Variants in SNTB2 observed in about 807,000 individuals in gnomAD.
The protein encoded by SNTB2 is beta-2-syntrophin.
A neutral mutation model predicts 46.2 loss-of-function variants in SNTB2; 34 were observed. The ratio of observed to expected loss-of-function variants is 0.74; its 90% CI spans 0.56 to 0.98. The LOEUF (loss-of-function observed/expected upper bound fraction) is 0.98, where lower values mean the gene tolerates loss of function less well. Ranked by LOEUF, SNTB2 falls within the 50% of genes least tolerant of loss-of-function variation. SNTB2 has a pLI of 0.00. For missense variants in SNTB2, 603 were observed against 731.4 expected (o/e 0.82, Z 2.02); for synonymous variants, 290 against 312.6 (o/e 0.93, Z 0.76).
At position 69,304,278 on chromosome 16, in the gene SNTB2, G is replaced by GT. The variant is rs2143219052; in HGVS notation, c.*3356dup. 1 of 152,728 alleles carries GT rather than the reference G, an allele frequency of 6.5e-6. No homozygotes were observed. The highest frequency in any genetic ancestry group is 2.4e-5 in the African/African-American group (1 of 41,568). 9.5% of individuals were successfully genotyped at this position (152,728 alleles called of 1,614,324 possible). A position where few individuals can be genotyped will look rare whatever the true frequency, so the allele number is the denominator to read the frequency against. ...AAGTTCCTGCAGTATTTATTAGATAGTTGTAACTGTAAACTCACCTCCCTA... is the reference window on the plus strand; with the variant it reads ...AAGTTCCTGCAGTATTTATTAGATAGTTTGTAACTGTAAACTCACCTCCCTA... On this transcript the variant is annotated 3_prime_UTR_variant, in exon 7 of 7. Transcript: ENST00000336278.
At chr16:69,217,112 C>G (rs750184180) in intron 1 of SNTB2, among the ~76,000 whole-genome samples, 1 of 152,056 alleles carries the variant, frequency 6.6e-6, no homozygotes, top group Non-Finnish European at 1.5e-5. Flanking sequence ...CTTTACAGTA[C>G]GTTAACGGTA....
intron 3 of SNTB2, among the ~76,000 whole-genome samples, chr16:69,269,425 G>A (rs1964917185): frequency 6.6e-6 from 1 of 152,080 alleles, no homozygotes; most frequent in Admixed American, 6.6e-5. Context: ...GCTGAGGCAG[G>A]AGAATTGCTT....
intron 1 of SNTB2, among the ~76,000 whole-genome samples, chr16:69,205,877 G>A (rs1964211408): frequency 6.6e-6 from 1 of 152,156 alleles, no homozygotes; most frequent in Non-Finnish European, 1.5e-5. Flanking sequence ...TGCAACCAAT[G>A]TATTATTAAA....
At position 69,304,280 on chromosome 16, in the gene SNTB2, T is replaced by C. The variant is rs1045680714; in HGVS notation, c.*3356T>C. The C allele has an allele frequency of 1.3e-5, 2 of 152,656 alleles. No individual in the cohort carries two copies. Among genetic ancestry groups the C allele is most frequent in the Admixed American group, 1.3e-4 (2 of 15,286 alleles). 9.5% of individuals were successfully genotyped at this position (152,656 alleles called of 1,614,324 possible). A position where few individuals can be genotyped will look rare whatever the true frequency, so the allele number is the denominator to read the frequency against. The stretch of plus-strand genomic sequence containing the variant: ...GTTCCTGCAGTATTTATTAGATAGT[T>C]GTAACTGTAAACTCACCTCCCTAGT... On this transcript the variant is annotated 3_prime_UTR_variant, in exon 7 of 7. Transcript: ENST00000336278.
rs1567416536 is a variant in SNTB2 at position 69,292,432 on chromosome 16, A to AT, written c.1346-7157dup. Among the ~76,000 whole-genome samples the AT allele has an allele frequency of 3.9e-3, 73 of 18,890 alleles. 8 individuals are homozygous for AT. The highest frequency in any genetic ancestry group is 0.016 in the East Asian group (19 of 1,180). The allele number at this position is 18,890 out of a possible 152,430, so 12.4% of individuals were successfully genotyped here. ...TTATATATATATTATATATATATAT[A>AT]TATTATATATATATAATTTTTTTTT... On this transcript the variant is annotated intron_variant, in intron 5 of 6. Transcript: ENST00000336278.
At chr16:69,256,266 C>T (rs999845858) in intron 2 of SNTB2, among the ~76,000 whole-genome samples, 2 of 152,116 alleles carry the variant, frequency 1.3e-5, no homozygotes, top group African/African-American at 2.4e-5. Flanking sequence ...GTGATTTCCC[C>T]GCCTCAGCCT....
chr16:69,228,836 A>G (rs13331198), intron 1 of SNTB2, among the ~76,000 whole-genome samples: 50,369 of 152,012 alleles, frequency 0.33, 9,063 homozygotes, highest in African/African-American at 0.45. Context: ...AGGATGGTAT[A>G]TTATGTTTTG....
chr16:69,187,773 G>GGGGGGGGC, intron 1 of SNTB2, 27 bp downstream of exon 1: 4 of 331,856 alleles, frequency 1.2e-5, no homozygotes, highest in Non-Finnish European at 1.7e-5. Context: ...GGGAGGGTGG[G>GGGGGGGGC]CAGGCCGCGG....
chr16:69,300,783 G>T (rs1404920934), intron 6 of SNTB2, 49 bp from the exon 7 acceptor site: 19 of 1,162,418 alleles, frequency 1.6e-5, no homozygotes, highest in East Asian at 2.4e-5. Context: ...TTATTAAGTT[G>T]TCTGTATATG....
intron 5 of SNTB2, among the ~76,000 whole-genome samples, chr16:69,293,498 G>A (rs1369549532): frequency 3.9e-5 from 6 of 152,324 alleles, no homozygotes; most frequent in African/African-American, 1.4e-4. Flanking sequence ...GATGCAAAAC[G>A]ATGTAATGGC....
chr16:69,289,221 A>T (rs369278191), intron 5 of SNTB2, among the ~76,000 whole-genome samples: 10 of 149,550 alleles, frequency 6.7e-5, no homozygotes, highest in African/African-American at 2.2e-4. Context: ...GTGAGCCAAG[A>T]TCGCACCATT....
intron 4 of SNTB2, among the ~76,000 whole-genome samples, chr16:69,279,141 CTT>C (rs1373164552): frequency 6.6e-6 from 1 of 152,104 alleles, no homozygotes; most frequent in African/African-American, 2.4e-5. Flanking sequence ...GCAAAACAAA[CTT>C]TATATCTATT....
At chr16:69,211,319 C>A (rs932766458) in intron 1 of SNTB2, among the ~76,000 whole-genome samples, 34 of 151,888 alleles carry the variant, frequency 2.2e-4, no homozygotes, top group African/African-American at 8.2e-4. Flanking sequence ...GTTTTATTAA[C>A]CATTTCAAAT....
chr16:69,286,528 AC>A (rs1286730183), intron 5 of SNTB2, among the ~76,000 whole-genome samples: 2 of 151,954 alleles, frequency 1.3e-5, no homozygotes, highest in Non-Finnish European at 2.9e-5. Flanking sequence ...TACTAAAAAT[AC>A]AAAAATTTAG....
chr16:69,205,704 T>G (rs1964209737), intron 1 of SNTB2, among the ~76,000 whole-genome samples: 1 of 152,306 alleles, frequency 6.6e-6, no homozygotes, highest in East Asian at 1.9e-4. Flanking sequence ...ATTTCCAACC[T>G]GCTTCTTTCA....
chr16:69,208,263 G>A (rs1486349790), intron 1 of SNTB2, among the ~76,000 whole-genome samples: 1 of 151,560 alleles, frequency 6.6e-6, no homozygotes, highest in East Asian at 1.9e-4. Context: ...AAAACTAGCC[G>A]GACATGGTGG....
chr16:69,260,862 C>T (rs1176817878), intron 3 of SNTB2, among the ~76,000 whole-genome samples: 1 of 151,888 alleles, frequency 6.6e-6, no homozygotes, highest in Admixed American at 6.6e-5. Context: ...GACAGAGGTA[C>T]AATTGTCTTC....
chr16:69,235,643 G>GA (rs1195615729), intron 1 of SNTB2: 1 of 1,200,144 alleles, frequency 8.3e-7, no homozygotes, highest in African/African-American at 1.6e-5. Context: ...GGAGCAGAAA[G>GA]AAAGAAAACA....
At chr16:69,275,165 T>G (rs1964975589) in intron 4 of SNTB2, among the ~76,000 whole-genome samples, 1 of 151,842 alleles carries the variant, frequency 6.6e-6, no homozygotes, top group African/African-American at 2.4e-5. Context: ...CTCAAACTCC[T>G]GGGCTCAAGC....
Sources: allele counts gnomAD v4.1 joint callset (sites outside exome capture counted in the v4.1 genomes callset), GRCh38; gene constraint gnomAD v4.1.1; transcripts MANE v1.5; gene names NCBI Gene and HGNC (gene_info 2026-07-23, HGNC 2026-07-21).